Variants in DPYSL4 observed in about 807,000 individuals in gnomAD.
DPYSL4 encodes the protein dihydropyrimidinase-related protein 4.
In DPYSL4, 43 loss-of-function variants were observed where a neutral mutation model predicts 63.4. That is an observed-to-expected ratio of 0.68 (90% CI 0.53 to 0.88). The LOEUF is 0.88. Ranked by LOEUF, DPYSL4 falls within the 40% of genes least tolerant of loss-of-function variation. The pLI, the probability that DPYSL4 is intolerant of heterozygous loss-of-function variation, is 0.00. For missense variants in DPYSL4, 733 were observed against 819.5 expected, an observed-to-expected ratio of 0.89 and a Z score of 1.29; for synonymous variants, 353 against 331.7, an observed-to-expected ratio of 1.06 and a Z score of -0.70.
Position 132,196,868 on chromosome 10 carries a change from C to A in DPYSL4, c.486C>A (p.Asn162Lys). 2 of 1,613,762 alleles carry A rather than the reference C, an allele frequency of 1.2e-6. No homozygotes were observed. The highest frequency in any genetic ancestry group is 1.7e-6 in the Non-Finnish European group (2 of 1,179,994). ...CCCCTGCCTCTTCTCCAGGTGTGAACTCCTTCCTGGTCTTCATGGCATACA... is the reference window on the plus strand; with the variant it reads ...CCCCTGCCTCTTCTCCAGGTGTGAAATCCTTCCTGGTCTTCATGGCATACA... Reference protein sequence around the residue: ...LEALVKEKGVNSFLVFMAYKD... With the variant: ...LEALVKEKGVKSFLVFMAYKD... The change falls in exon 5 of 14, where the codon AAC becomes AAA. Residue 162 changes from asparagine to lysine, a missense_variant. By Grantham distance (94) the Asn-to-Lys change is moderately conservative (BLOSUM62 0). Transcript: ENST00000338492.
intron 11 of DPYSL4, among the ~76,000 whole-genome samples, 177 bp from the exon 12 acceptor site, chr10:132,202,469 A>C (rs529732756): frequency 9.1e-4 from 138 of 152,186 alleles, no homozygotes; most frequent in African/African-American, 3.3e-3. Flanking sequence ...CCGTAGGCCG[A>C]GGGGGGGCAT....
intron 12 of DPYSL4, 146 bp from the exon 13 acceptor site, chr10:132,203,616 A>C: frequency 9.9e-6 from 7 of 709,592 alleles, no homozygotes; most frequent in East Asian, 3.2e-5. Context: ...GGGCAGCCCC[A>C]AATTCCTGAA....
chr10:132,202,937 CAG>C lies in DPYSL4; in HGVS notation c.1461+115_1461+116del, dbSNP rs1417815763. Reference sequence around the variant, plus strand: ...CCGGCCTCCCGAGGGGTCAGGAAGACAGAGCGGGGCCGCTGCTTGCCCAGGGC... The same window carrying C: ...CCGGCCTCCCGAGGGGTCAGGAAGACAGCGGGGCCGCTGCTTGCCCAGGGC... On this transcript the variant is annotated intron_variant, in intron 12 of 13. Transcript: ENST00000338492. 7 of 1,311,404 alleles carry C rather than the reference CAG, an allele frequency of 5.3e-6. No homozygotes were observed. In the East Asian group the frequency reaches 1.2e-4, roughly 23 times the overall value. The allele number at this position is 1,311,404 out of a possible 1,614,324, so 81.2% of individuals were successfully genotyped here.
chr10:132,192,065 A>AG lies in DPYSL4; in HGVS notation c.129-592dup, dbSNP rs2061886364. On this transcript the variant is annotated intron_variant, in intron 2 of 13. Transcript: ENST00000338492. Reference sequence around the variant, plus strand: ...ACGTGGTATCCAGGCAGGTGAAAATAGTTCCCAGCTCTTGTGTACACACTG... The same window carrying AG: ...ACGTGGTATCCAGGCAGGTGAAAATAGGTTCCCAGCTCTTGTGTACACACTG... Among the ~76,000 whole-genome samples, 2 of 37,526 alleles carry AG rather than the reference A, an allele frequency of 5.3e-5. 1 individual carries two copies. Among genetic ancestry groups the AG allele is most frequent in the African/African-American group, 1.6e-4 (2 of 12,756 alleles). The allele number at this position is 37,526 out of a possible 152,430, so 24.6% of individuals were successfully genotyped here.
At position 132,200,968 on chromosome 10, in the gene DPYSL4, C is replaced by A. The variant is rs199724051; in HGVS notation, c.1095C>A (p.Val365=). 1.2e-6 allele frequency: 2 copies of A among 1,613,140 alleles called. No homozygotes were observed. Among genetic ancestry groups the A allele is most frequent in the Admixed American group, 3.3e-5 (2 of 60,010 alleles). The change falls in exon 10 of 14, where the codon GTC becomes GTA. Residue 365 remains valine, a synonymous_variant. Coordinates refer to ENST00000338492, the MANE Select transcript of DPYSL4 (RefSeq NM_006426.3). ...TNGIEERMSM[V]WEKCVASGKM... The stretch of plus-strand genomic sequence containing the variant: ...GCATTGAGGAGCGCATGTCGATGGT[C>A]TGGGAGAAATGTGTGGTGAGCACAG...
intron 9 of DPYSL4, 39 bp downstream of exon 9, chr10:132,200,551 G>A (rs748310770): frequency 1.7e-5 from 28 of 1,606,502 alleles, no homozygotes; most frequent in Admixed American, 1.7e-4. Flanking sequence ...TTGGCCGCCC[G>A]CTGCACACCC....
chr10:132,205,206 C>T lies in DPYSL4; in HGVS notation c.*276C>T, dbSNP rs1229479341. ...ATGCCGGCAGCCTGAGCCCAGGCACCCCAGTGCCCGCTGGGCCCAGCCTGG... is the reference window on the plus strand; with the variant it reads ...ATGCCGGCAGCCTGAGCCCAGGCACTCCAGTGCCCGCTGGGCCCAGCCTGG... On this transcript the variant is annotated 3_prime_UTR_variant, in exon 14 of 14. Transcript: ENST00000338492. The T allele has an allele frequency of 3.4e-6, 1 of 298,120 alleles. No homozygotes were observed. The highest frequency in any genetic ancestry group is 5.1e-5 in the Admixed American group (1 of 19,458). The allele number at this position is 298,120 out of a possible 1,614,324, so 18.5% of individuals were successfully genotyped here.
Position 132,200,492 on chromosome 10 carries a change from C to T in DPYSL4, c.948C>T (p.His316=). 2 of 1,613,136 alleles carry T rather than the reference C, an allele frequency of 1.2e-6. No individual in the cohort carries two copies. Among genetic ancestry groups the T allele is most frequent in the Non-Finnish European group, 1.7e-6 (2 of 1,179,876 alleles). The change falls in exon 9 of 14, where the codon CAC becomes CAT. Residue 316 remains histidine, a synonymous_variant. Transcript: ENST00000338492. ...PVNPDPTTAD[H]LTCLLSSGDL... ...ACCCAGACCCCACCACGGCGGACCA[C>T]CTCACCTGCTTGCTGTCCAGGTAAG...
chr10:132,202,540 C>T (rs553689957), intron 11 of DPYSL4, 106 bp from the exon 12 acceptor site: 110 of 1,430,048 alleles, frequency 7.7e-5, no homozygotes, highest in South Asian at 2.3e-4. Context: ...GTAGGCACAC[C>T]GGGCCTGCTC....
At chr10:132,187,546 C>T (rs1467542504) in intron 1 of DPYSL4, among the ~76,000 whole-genome samples, 2 of 152,132 alleles carry the variant, frequency 1.3e-5, no homozygotes, top group East Asian at 3.9e-4. Context: ...GTCCGGGGCG[C>T]GGGGAGATGC....
At chr10:132,197,183 T>C (rs2061957340) in intron 6 of DPYSL4, 82 bp downstream of exon 6, 5 of 1,239,938 alleles carry the variant, frequency 4.0e-6, no homozygotes, top group Admixed American at 5.7e-5. Flanking sequence ...GGCAGGGGTC[T>C]GAGGGTGACT....
Position 132,200,870 on chromosome 10 carries a change from C to T in DPYSL4, c.997C>T (p.His333Tyr), listed in dbSNP as rs753739147. ...GGACCTCCAGGTGACAGGCAGCGCCCACTGCACCTTCACCACTGCCCAGAA... is the reference window on the plus strand; with the variant it reads ...GGACCTCCAGGTGACAGGCAGCGCCTACTGCACCTTCACCACTGCCCAGAA... ...SGDLQVTGSA[H>Y]CTFTTAQKAV... Residue 333 changes from histidine to tyrosine, a missense_variant, in exon 10 of 14, where the codon CAC becomes TAC. Transcript: ENST00000338492. 1 of 1,613,048 alleles carries T rather than the reference C, an allele frequency of 6.2e-7. No homozygotes were observed. The highest frequency in any genetic ancestry group is 1.3e-5 in the African/African-American group (1 of 75,062).
At chr10:132,204,025 C>T (rs994787720) in intron 13 of DPYSL4, 98 bp downstream of exon 13, 5 of 1,431,102 alleles carry the variant, frequency 3.5e-6, no homozygotes, top group South Asian at 1.3e-5. Flanking sequence ...AGGGGCTGCA[C>T]ACGGAAGGCA....
chr10:132,202,937 C>CA, intron 12 of DPYSL4, 112 bp downstream of exon 12: 1 of 1,311,522 alleles, frequency 7.6e-7, no homozygotes, highest in South Asian at 1.5e-5. Flanking sequence ...GTCAGGAAGA[C>CA]AGAGCGGGGC....
At chr10:132,199,739 C>T (rs943192253) in intron 8 of DPYSL4, among the ~76,000 whole-genome samples, 4 of 151,948 alleles carry the variant, frequency 2.6e-5, no homozygotes, top group Non-Finnish European at 4.4e-5. Context: ...TTTCCTGCAT[C>T]GAGGGTTGAA....
In DPYSL4 at chr10:132,202,638, C is replaced by CT; in HGVS notation, c.1282-7dup. 1 of 1,611,652 alleles carries CT rather than the reference C, an allele frequency of 6.2e-7. No homozygotes were observed. Among genetic ancestry groups the CT allele is most frequent in the Non-Finnish European group, 8.5e-7 (1 of 1,179,772 alleles). ...GGAGGCACTGGACCCTCGGGCCTCT[C>CT]TCCCCAGAACGTGGAGTACAACATC... On this transcript the variant is annotated splice_region_variant and splice_polypyrimidine_tract_variant and intron_variant, in intron 11 of 13. Transcript: ENST00000338492.
rs2062030734 is a variant in DPYSL4, at chr10:132,202,425, T to C, written c.1282-221T>C. On this transcript the variant is annotated intron_variant, in intron 11 of 13. Transcript: ENST00000338492. ...CCTGCCTGCCCACGCCTGTCCCCTTTGTCCTCGAGAGAAACGGGACTCAGA... is the reference window on the plus strand; with the variant it reads ...CCTGCCTGCCCACGCCTGTCCCCTTCGTCCTCGAGAGAAACGGGACTCAGA... Among the ~76,000 whole-genome samples the C allele has an allele frequency of 2.6e-5, 4 of 152,340 alleles. No individual in the cohort carries two copies. The South Asian group carries it at 8.3e-4, about 32-fold the overall frequency.
chr10:132,200,642 C>G, intron 9 of DPYSL4, 130 bp downstream of exon 9: 1 of 1,406,506 alleles, frequency 7.1e-7, no homozygotes, highest in East Asian at 2.5e-5. Flanking sequence ...GTGGGGAAGT[C>G]TGAGCCCTTT....
At chr10:132,195,643 G>T (rs2061933421) in intron 4 of DPYSL4, among the ~76,000 whole-genome samples, 1 of 152,196 alleles carries the variant, frequency 6.6e-6, no homozygotes, top group Admixed American at 6.5e-5. Flanking sequence ...GGAGGCAGGG[G>T]CATTTCTTCA....
Sources: allele counts gnomAD v4.1 joint callset (sites outside exome capture counted in the v4.1 genomes callset), GRCh38; gene constraint gnomAD v4.1.1; transcripts MANE v1.5; gene names NCBI Gene and HGNC (gene_info 2026-07-23, HGNC 2026-07-21).